PPP1R36: variants seen among roughly 807,000 people sequenced by gnomAD.
The protein encoded by PPP1R36 is chromosome 14 open reading frame 50.
Under a neutral mutation model 53.4 loss-of-function variants are expected in PPP1R36, and 47 were observed. The observed-to-expected ratio is 0.88, with a 90% CI of 0.70 to 1.12. The LOEUF is 1.12. Among genes scored for constraint, PPP1R36 ranks in the 50% most tolerant of loss-of-function variants. The pLI is 0.00. For missense variants in PPP1R36, 456 were observed against 513.9 expected, an observed-to-expected ratio of 0.89 and a Z score of 1.09; for synonymous variants, 153 against 170.5, an observed-to-expected ratio of 0.90 and a Z score of 0.80.
intron 8 of PPP1R36, among the ~76,000 whole-genome samples, chr14:64,580,057 TG>T (rs1338713808): frequency 2.0e-5 from 3 of 152,196 alleles, no homozygotes; most frequent in Non-Finnish European, 4.4e-5. Context: ...CCCAGCACTT[TG>T]GGAGACTGAG....
rs2080340391 is a variant in PPP1R36, at chr14:64,576,142, G to A, written c.668+1553G>A. On this transcript the variant is annotated intron_variant, in intron 8 of 11. Coordinates refer to ENST00000298705, the MANE Select transcript of PPP1R36 (RefSeq NM_172365.3). ...TCCCCATAGGCTGGAGTGCAATGGT[G>A]TGATCTCGGCTCACTGCAACCTCTG... 2.1e-5 allele frequency among the ~76,000 whole-genome samples: 3 copies of A among 144,178 alleles called. No homozygotes were observed. In the South Asian group the frequency reaches 6.7e-4, roughly 32 times the overall value. 94.6% of individuals were successfully genotyped at this position (144,178 alleles called of 152,430 possible).
At position 64,550,879 on chromosome 14, in the gene PPP1R36, T is replaced by G. The variant is rs373104900; in HGVS notation, c.70-42T>G. 15 of 1,446,584 alleles carry G rather than the reference T, an allele frequency of 1.0e-5. No homozygotes were observed. In the African/African-American group the frequency reaches 2.0e-4, roughly 19 times the overall value. 89.6% of individuals were successfully genotyped at this position (1,446,584 alleles called of 1,614,324 possible). On this transcript the variant is annotated intron_variant, in intron 1 of 11. Transcript: ENST00000298705. ...TTATTGTGGCATATGGATTGTAAAT[T>G]GAGCTTTTAATTATTTTTGCTGCAA...
In PPP1R36 at chr14:64,587,448, C is replaced by CTTTTTTTTTTTT. The variant is rs10708900; in HGVS notation, c.890+95_890+106dup. ...CCTTTCTTTTCTTTTCTTTTTTCTC[C>CTTTTTTTTTTTT]TTTTTTTTTTTTTTTTTTTTTTTTT... On this transcript the variant is annotated intron_variant, in intron 10 of 11. Transcript: ENST00000298705. 36 of 111,014 alleles carry CTTTTTTTTTTTT rather than the reference C, an allele frequency of 3.2e-4. 3 individuals carry two copies. Among genetic ancestry groups the CTTTTTTTTTTTT allele is most frequent in the Admixed American group, 4.9e-4 (2 of 4,120 alleles). The allele number at this position is 111,014 out of a possible 1,614,324, so 6.9% of individuals were successfully genotyped here. A position where few individuals can be genotyped will look rare whatever the true frequency, so the allele number is the denominator to read the frequency against.
intron 7 of PPP1R36, among the ~76,000 whole-genome samples, chr14:64,573,424 C>G (rs985721717): frequency 6.6e-6 from 1 of 152,128 alleles, no homozygotes; most frequent in Non-Finnish European, 1.5e-5. Context: ...GTTGAGCCCC[C>G]AAGCTCAGTA....
At chr14:64,556,955 G>A (rs1158403168) in intron 3 of PPP1R36, among the ~76,000 whole-genome samples, 3 of 120,336 alleles carry the variant, frequency 2.5e-5, no homozygotes, top group South Asian at 2.8e-4. Flanking sequence ...CCCACCCGCC[G>A]CCCCCCAGCA....
chr14:64,588,030 C>G, intron 10 of PPP1R36, 74 bp from the exon 11 acceptor site: 1 of 1,389,946 alleles, frequency 7.2e-7, no homozygotes, highest in Non-Finnish European at 9.8e-7. Context: ...AGGCATGAGC[C>G]ACTGCACCTG....
chr14:64,563,472 GA>G (rs1183951142), intron 3 of PPP1R36, among the ~76,000 whole-genome samples: 5 of 143,012 alleles, frequency 3.5e-5, no homozygotes, highest in Admixed American at 6.9e-5. Flanking sequence ...AAAAAAGAAA[GA>G]AAAGAACAGT....
At chr14:64,566,138 G>T (rs1006119125) in intron 6 of PPP1R36, among the ~76,000 whole-genome samples, 2 of 152,048 alleles carry the variant, frequency 1.3e-5, no homozygotes, top group Non-Finnish European at 2.9e-5. Context: ...CGTGGTGGTG[G>T]GCGCCTGTAA....
In PPP1R36 at chr14:64,552,453, C is replaced by T. The variant is rs150685259; in HGVS notation, c.135-361C>T. On this transcript the variant is annotated intron_variant, in intron 2 of 11. Transcript: ENST00000298705. ...GCAGTGAGCCAAGATTGAGCCACTG[C>T]GCTCCAGCCTGGGCGACAGAGAGAG... is the stretch of plus-strand genomic sequence containing the variant. Among the ~76,000 whole-genome samples, 127 of 152,162 alleles carry T rather than the reference C, an allele frequency of 8.3e-4. 1 individual carries two copies. The highest frequency in any genetic ancestry group is 2.9e-3 in the African/African-American group (122 of 41,498).
intron 1 of PPP1R36, 72 bp downstream of exon 1, chr14:64,550,138 C>G: frequency 6.6e-7 from 1 of 1,516,390 alleles, no homozygotes; most frequent in Non-Finnish European, 8.9e-7. Context: ...CAACCGGCGC[C>G]GCGCCCCTCG....
intron 6 of PPP1R36, among the ~76,000 whole-genome samples, chr14:64,567,225 G>T (rs1369671259): frequency 2.0e-5 from 3 of 152,204 alleles, no homozygotes; most frequent in African/African-American, 7.2e-5. Context: ...GGCAGCAAAA[G>T]TCTTGAAAAA....
chr14:64,572,861 A>T (rs1332331940), intron 7 of PPP1R36, among the ~76,000 whole-genome samples: 2 of 152,186 alleles, frequency 1.3e-5, no homozygotes, highest in Non-Finnish European at 2.9e-5. Flanking sequence ...TAGGGTGACC[A>T]GTGAGGGTGG....
chr14:64,581,461 T>G (rs1256539855), intron 8 of PPP1R36, among the ~76,000 whole-genome samples: 1 of 152,154 alleles, frequency 6.6e-6, no homozygotes, highest in Non-Finnish European at 1.5e-5. Context: ...AAAATGTTAT[T>G]TTTACTTTAT....
chr14:64,582,418 T>C (rs1024073103), intron 8 of PPP1R36, among the ~76,000 whole-genome samples: 1 of 152,212 alleles, frequency 6.6e-6, no homozygotes, highest in South Asian at 2.1e-4. Flanking sequence ...GAGAGCATCA[T>C]AACAGGCCAC....
Position 64,586,834 on chromosome 14 carries a change from C to T in PPP1R36, c.669-3C>T. On this transcript the variant is annotated splice_region_variant and splice_polypyrimidine_tract_variant and intron_variant, in intron 8 of 11. Transcript: ENST00000298705. The stretch of plus-strand genomic sequence containing the variant: ...CCTATAGTTGTGACTTGTTATATTA[C>T]AGGGAGAAAATATCAGATACACAGA... The T allele has an allele frequency of 4.4e-6, 7 of 1,607,764 alleles. No individual in the cohort carries two copies. Among genetic ancestry groups the T allele is most frequent in the Non-Finnish European group, 6.0e-6 (7 of 1,174,664 alleles).
chr14:64,560,103 C>CAAAAAA lies in PPP1R36; in HGVS notation c.183-4623_183-4618dup, dbSNP rs1171697200. Among the ~76,000 whole-genome samples the CAAAAAA allele has an allele frequency of 6.3e-3, 173 of 27,452 alleles. 8 individuals carry two copies. Among genetic ancestry groups the CAAAAAA allele is most frequent in the South Asian group, 0.013 (5 of 376 alleles). 18.0% of individuals were successfully genotyped at this position (27,452 alleles called of 152,430 possible). On this transcript the variant is annotated intron_variant, in intron 3 of 11. Coordinates refer to ENST00000298705, the MANE Select transcript of PPP1R36 (RefSeq NM_172365.3). ...TGGGCAACAAAACTAGAATCTGTCA[C>CAAAAAA]AAAAAAAAAAAAAAAAAAAAAAAAA...
chr14:64,584,063 G>A (rs534845941), intron 8 of PPP1R36, among the ~76,000 whole-genome samples: 9 of 151,676 alleles, frequency 5.9e-5, no homozygotes, highest in South Asian at 2.1e-4. Flanking sequence ...CACCACGCCC[G>A]GCTAATTTTT....
At chr14:64,553,866 G>A (rs940376616) in intron 3 of PPP1R36, among the ~76,000 whole-genome samples, 3 of 150,356 alleles carry the variant, frequency 2.0e-5, no homozygotes, top group African/African-American at 2.4e-5. Flanking sequence ...CCCGGACTAC[G>A]TGGAGTACAC....
chr14:64,558,882 C>T (rs779811375), intron 3 of PPP1R36, among the ~76,000 whole-genome samples: 6 of 151,894 alleles, frequency 4.0e-5, no homozygotes, highest in Non-Finnish European at 8.8e-5. Flanking sequence ...GTGATCTGCC[C>T]GCCTCGGCCT....
Sources: allele counts gnomAD v4.1 joint callset (sites outside exome capture counted in the v4.1 genomes callset), GRCh38; gene constraint gnomAD v4.1.1; transcripts MANE v1.5; gene names NCBI Gene and HGNC (gene_info 2026-07-23, HGNC 2026-07-21).